ATRNL1: variants seen among roughly 807,000 people sequenced by gnomAD.
ATRNL1 encodes the protein attractin like 1, also known as attractin-like protein 1.
ATRNL1 carries 95 observed loss-of-function variants against 182.7 expected under a neutral mutation model. The observed-to-expected ratio is 0.52, with a 90% CI of 0.44 to 0.62. The LOEUF is 0.62. ATRNL1 is among the 20% of genes least tolerant of loss of function. The probability of loss-of-function intolerance (pLI) is 0.00; values close to 1 mark genes in which losing one functional copy is unlikely to be tolerated. For synonymous variants in ATRNL1, 576 were observed against 568.3 expected (o/e 1.01, Z -0.19); for missense variants, 1,471 against 1,679.5 (o/e 0.88, Z 2.17).
intron 24 of ATRNL1, among the ~76,000 whole-genome samples, chr10:115,517,054 T>G (rs185179810): frequency 1.1e-4 from 17 of 152,068 alleles, no homozygotes; most frequent in African/African-American, 3.9e-4. Context: ...AGAGCTTGTT[T>G]AGTGACTATT....
chr10:115,123,997 A>G (rs1844855164), intron 3 of ATRNL1, among the ~76,000 whole-genome samples: 1 of 152,064 alleles, frequency 6.6e-6, no homozygotes, highest in Middle Eastern at 3.4e-3. Context: ...CTGATTCTAC[A>G]TTATGGCGGG....
rs140284255 is a variant in ATRNL1, at chr10:115,470,716, G to A, written c.3654+1387G>A. ...TTTTTGAGAACTTACTCTTTTGGAA[G>A]CAAAATCAAAATTTGTGTAACGAGG... is the stretch of plus-strand genomic sequence containing the variant. On this transcript the variant is annotated intron_variant, in intron 24 of 28. Transcript: ENST00000355044. 1.1e-4 allele frequency among the ~76,000 whole-genome samples: 17 copies of A among 150,488 alleles called. No homozygotes were observed. In the East Asian group the frequency reaches 3.1e-3, roughly 28 times the overall value.
intron 17 of ATRNL1, among the ~76,000 whole-genome samples, chr10:115,309,916 C>T (rs985066830): frequency 1.3e-5 from 2 of 152,072 alleles, no homozygotes; most frequent in African/African-American, 4.8e-5. Context: ...AGTGGGCCTA[C>T]CTGTCTTCTT....
rs200457487 is a variant in ATRNL1 at position 115,484,248 on chromosome 10, G to GT, written c.3654+14925dup. On this transcript the variant is annotated intron_variant, in intron 24 of 28. Transcript: ENST00000355044. ...ACCAAATGCTGTTATTAAATATTATGTTTTTTCATTTTGTTTTATCATATT... is the reference window on the plus strand; with the variant it reads ...ACCAAATGCTGTTATTAAATATTATGTTTTTTTCATTTTGTTTTATCATATT... 4.8e-3 allele frequency among the ~76,000 whole-genome samples: 724 copies of GT among 150,696 alleles called. 5 individuals are homozygous for GT. The highest frequency in any genetic ancestry group is 0.017 in the African/African-American group (693 of 41,200).
intron 20 of ATRNL1, among the ~76,000 whole-genome samples, chr10:115,415,685 G>A (rs1298987450): frequency 3.0e-4 from 46 of 151,234 alleles, no homozygotes; most frequent in Non-Finnish European, 5.9e-4. Flanking sequence ...TTACTATATC[G>A]AAAATTTTAT....
chr10:115,175,945 G>A (rs1048980148), intron 8 of ATRNL1, among the ~76,000 whole-genome samples: 5 of 151,958 alleles, frequency 3.3e-5, no homozygotes, highest in Non-Finnish European at 5.9e-5. Flanking sequence ...AAGTGTTCCT[G>A]TTTCTCCACA....
At chr10:115,899,575 C>T (rs782275030) in intron 28 of ATRNL1, among the ~76,000 whole-genome samples, 9 of 151,960 alleles carry the variant, frequency 5.9e-5, no homozygotes, top group Non-Finnish European at 1.2e-4. Context: ...CCCAAAGTGC[C>T]GGGATTACAG....
chr10:115,844,560 T>C (rs1010675821), intron 27 of ATRNL1, among the ~76,000 whole-genome samples: 4 of 152,068 alleles, frequency 2.6e-5, no homozygotes, highest in African/African-American at 9.7e-5. Context: ...GCATTTAATA[T>C]AGAATTTTTG....
At chr10:115,228,285 G>C (rs531661677) in intron 9 of ATRNL1, among the ~76,000 whole-genome samples, 1 of 152,252 alleles carries the variant, frequency 6.6e-6, no homozygotes, top group Admixed American at 6.5e-5. Flanking sequence ...TAATAAGTAA[G>C]AGAGAATAAA....
At chr10:115,165,076 A>C (rs1466132767) in intron 6 of ATRNL1, among the ~76,000 whole-genome samples, 1 of 152,082 alleles carries the variant, frequency 6.6e-6, no homozygotes, top group Non-Finnish European at 1.5e-5. Context: ...TCAAAATACC[A>C]TGTGTATACC....
chr10:115,500,330 G>T (rs1375050847), intron 24 of ATRNL1, among the ~76,000 whole-genome samples: 3 of 152,132 alleles, frequency 2.0e-5, no homozygotes, highest in Admixed American at 2.0e-4. Context: ...ACATTAGTTT[G>T]CAGATTTGTA....
At chr10:115,206,165 T>C (rs1554893690) in intron 8 of ATRNL1, among the ~76,000 whole-genome samples, 1 of 152,154 alleles carries the variant, frequency 6.6e-6, no homozygotes, top group African/African-American at 2.4e-5. Context: ...TGGTTTCTTA[T>C]GATAAAACCA....
chr10:115,764,964 A>C (rs2960700), intron 27 of ATRNL1, among the ~76,000 whole-genome samples: 3 of 152,320 alleles, frequency 2.0e-5, no homozygotes, highest in African/African-American at 4.8e-5. Flanking sequence ...ATGAGCCACC[A>C]TGCCCAGCCT....
At chr10:115,268,571 G>C in intron 13 of ATRNL1, 127 bp downstream of exon 13, 1 of 624,852 alleles carries the variant, frequency 1.6e-6, no homozygotes, top group Non-Finnish European at 2.9e-6. Flanking sequence ...AAAGTATATA[G>C]GGAATCATTC....
chr10:115,816,545 T>C (rs780102777), intron 27 of ATRNL1, among the ~76,000 whole-genome samples: 1 of 151,868 alleles, frequency 6.6e-6, no homozygotes, highest in African/African-American at 2.4e-5. Context: ...GACAGACACA[T>C]ACATATATTA....
intron 27 of ATRNL1, among the ~76,000 whole-genome samples, chr10:115,824,138 TCTGATGTTTGACAAAC>T (rs1950370246): frequency 6.6e-6 from 1 of 152,106 alleles, no homozygotes; most frequent in African/African-American, 2.4e-5. Flanking sequence ...TCTACAACCA[TCTGATGTTTGACAAAC>T]CTGACAAAAA....
chr10:115,941,155 A>T (rs1310487292), intron 28 of ATRNL1, among the ~76,000 whole-genome samples: 1 of 152,340 alleles, frequency 6.6e-6, no homozygotes, highest in East Asian at 1.9e-4. Context: ...TTCTACATAC[A>T]CATTGCCATT....
chr10:115,462,509 GGCTGAGGCAGGAGATTT>G (rs782095249), intron 22 of ATRNL1, among the ~76,000 whole-genome samples: 59 of 152,176 alleles, frequency 3.9e-4, no homozygotes, highest in Non-Finnish European at 6.3e-4. Context: ...CTACTGAGGA[GGCTGAGGCAGGAGATTT>G]GCTTGAACCC....
At chr10:115,200,462 G>T (rs529272962) in intron 8 of ATRNL1, among the ~76,000 whole-genome samples, 2 of 148,028 alleles carry the variant, frequency 1.4e-5, no homozygotes, top group Admixed American at 6.8e-5. Context: ...CCATCTATGA[G>T]TGAGAACATG....
Sources: allele counts gnomAD v4.1 joint callset (sites outside exome capture counted in the v4.1 genomes callset), GRCh38; gene constraint gnomAD v4.1.1; transcripts MANE v1.5; gene names NCBI Gene and HGNC (gene_info 2026-07-23, HGNC 2026-07-21).